RNF135: variants seen among roughly 807,000 people sequenced by gnomAD.
RNF135 encodes ring finger protein 135, also known as E3 ubiquitin-protein ligase RNF135.
In RNF135, 46 loss-of-function variants were observed where a neutral mutation model predicts 41.9. The observed-to-expected ratio is 1.10, with a 90% CI of 0.87 to 1.40. The LOEUF is 1.40. RNF135 is among the 40% of genes most tolerant of loss of function. The pLI, the probability that RNF135 is intolerant of heterozygous loss-of-function variation, is 0.00. For missense variants in RNF135, 539 were observed against 549.8 expected (o/e 0.98, Z 0.20); for synonymous variants, 238 against 223.8 (o/e 1.06, Z -0.57).
chr17:30,966,396 AT>A (rs767476831), upstream of RNF135, among the ~76,000 whole-genome samples: 18 of 107,230 alleles, frequency 1.7e-4, 1 homozygote, highest in Admixed American at 1.0e-3. Flanking sequence ...TTATTTTATT[AT>A]TTTTTTATTT....
At chr17:30,969,759 CTTTT>C (rs757330088), upstream of RNF135, among the ~76,000 whole-genome samples, 1 of 122,608 alleles carries the variant, frequency 8.2e-6, no homozygotes, top group East Asian at 2.4e-4. Context: ...TCTTTTTTTT[CTTTT>C]TTTTTTTTTT....
intron 1 of RNF135, chr17:30,975,253 G>A: frequency 1.9e-6 from 1 of 514,446 alleles, no homozygotes. Flanking sequence ...AATCCAGGAG[G>A]TTGAGGCTGC....
At chr17:30,979,923 G>A (rs1279082485) in intron 1 of RNF135, among the ~76,000 whole-genome samples, 1 of 112,002 alleles carries the variant, frequency 8.9e-6, no homozygotes, top group Admixed American at 8.1e-5. Flanking sequence ...TCACTTCCCA[G>A]TAGGGGCGGC....
upstream of RNF135, chr17:30,969,304 C>T (rs1905695086): frequency 6.6e-6 from 1 of 152,210 alleles, no homozygotes. Context: ...TACGATTTTA[C>T]TCCGATGCGG....
At chr17:30,992,547 C>A (rs545852124) in intron 3 of RNF135, among the ~76,000 whole-genome samples, 152 of 152,078 alleles carry the variant, frequency 1.0e-3, no homozygotes, top group African/African-American at 3.6e-3. Context: ...CTCACCCCAG[C>A]CTTGACCTCC....
chr17:30,975,800 G>A (rs1351390433), intron 1 of RNF135: 5 of 1,040,654 alleles, frequency 4.8e-6, no homozygotes, highest in African/African-American at 1.6e-5. Flanking sequence ...CAACATCAAG[G>A]TCCCTGCAGA....
upstream of RNF135, among the ~76,000 whole-genome samples, chr17:30,966,697 C>T (rs1205675189): frequency 4.7e-5 from 7 of 149,786 alleles, no homozygotes; most frequent in East Asian, 5.9e-4. Flanking sequence ...AGTAGAGACG[C>T]GGTTTCACCG....
At chr17:30,970,342 C>T (rs1445128938), upstream of RNF135, 1 of 152,134 alleles carries the variant, frequency 6.6e-6, no homozygotes. Flanking sequence ...GAATTTTGTC[C>T]GAGTGTCTGT....
chr17:30,982,431 C>T (rs930031751), intron 1 of RNF135, among the ~76,000 whole-genome samples: 3 of 152,196 alleles, frequency 2.0e-5, no homozygotes, highest in South Asian at 2.1e-4. Flanking sequence ...TCTTTATCAC[C>T]ATGCTCTCCC....
chr17:30,971,344 G>T lies in RNF135; in HGVS notation c.271G>T (p.Glu91Ter), dbSNP rs867226650. ...CGACAAGTACCGCCGCGCCGCACGCGAGATACAGGCGGGCTCCGACCCTGC... is the reference window on the plus strand; with the variant it reads ...CGACAAGTACCGCCGCGCCGCACGCTAGATACAGGCGGGCTCCGACCCTGC... Reference protein sequence around the residue: ...LADKYRRAAREIQAGSDPAHC... With the variant: ...LADKYRRAAR Residue 91 changes from glutamate (E) to a stop codon, truncating the protein, a stop_gained, in exon 1 of 5, where the codon GAG becomes TAG. Transcript: ENST00000328381. LOFTEE classifies it high-confidence loss of function. 3.9e-6 allele frequency: 6 copies of T among 1,533,214 alleles called. No individual in the cohort carries two copies. Among genetic ancestry groups the T allele is most frequent in the African/African-American group, 2.8e-5 (2 of 70,662 alleles). 95.0% of individuals were successfully genotyped at this position (1,533,214 alleles called of 1,614,324 possible).
intron 1 of RNF135, chr17:30,972,037 C>T (rs1906013460): frequency 6.6e-6 from 1 of 152,450 alleles, no homozygotes; most frequent in Admixed American, 6.5e-5. Context: ...GATGATCCGT[C>T]CGCCTCGGCC....
chr17:30,984,720 C>A lies in RNF135; in HGVS notation c.476C>A (p.Ser159Ter). The stretch of plus-strand genomic sequence containing the variant: ...AGCCTGCAGAATCAGAGGCCCCTAT[C>A]AGAATCTGGACCAGACAACGAACTG... ...VRSLQNQRPL[S>*]ESGPDNELSI... Residue 159 changes from serine to a stop codon, truncating the protein, a stop_gained, in exon 2 of 5, where the codon TCA becomes TAA. Transcript: ENST00000328381. LOFTEE classifies it high-confidence loss of function. 1 of 1,614,162 alleles carries A rather than the reference C, an allele frequency of 6.2e-7. No homozygotes were observed. Among genetic ancestry groups the A allele is most frequent in the East Asian group, 2.2e-5 (1 of 44,878 alleles).
intron 1 of RNF135, among the ~76,000 whole-genome samples, chr17:30,977,840 A>T (rs1228317880): frequency 6.6e-6 from 1 of 152,228 alleles, no homozygotes; most frequent in Admixed American, 6.5e-5. Flanking sequence ...AAGTGCTGGG[A>T]TTACAAGTAT....
At chr17:30,971,759 T>C (rs1905976376) in intron 1 of RNF135, 2 of 1,221,474 alleles carry the variant, frequency 1.6e-6, no homozygotes, top group East Asian at 8.3e-5. Flanking sequence ...AAGATCTATA[T>C]AACATTAAAA....
At chr17:30,986,590 A>T (rs2142711773) in intron 2 of RNF135, among the ~76,000 whole-genome samples, 1 of 152,368 alleles carries the variant, frequency 6.6e-6, no homozygotes, top group Middle Eastern at 3.4e-3. Context: ...TACCCACTGA[A>T]TGTATGGATA....
intron 3 of RNF135, among the ~76,000 whole-genome samples, chr17:30,994,800 A>AT (rs559641362): frequency 2.7e-5 from 4 of 150,104 alleles, no homozygotes; most frequent in Non-Finnish European, 4.4e-5. Flanking sequence ...CACCTGGCTA[A>AT]TTTTTTTTAT....
chr17:30,971,042 C>T lies in RNF135; in HGVS notation c.-32C>T. On this transcript the variant is annotated 5_prime_UTR_variant, in exon 1 of 5. Transcript: ENST00000328381. The stretch of plus-strand genomic sequence containing the variant: ...CCTGAGGAGACTCGCCCGGCTCAAC[C>T]CCGACGTCCGCGCCCCGGCCGCCTG... The T allele has an allele frequency of 6.5e-7, 1 of 1,533,488 alleles. No homozygotes were observed. The allele number at this position is 1,533,488 out of a possible 1,614,324, so 95.0% of individuals were successfully genotyped here.
At chr17:30,971,672 G>C in intron 1 of RNF135, 3 of 1,344,746 alleles carry the variant, frequency 2.2e-6, no homozygotes, top group Non-Finnish European at 2.8e-6. Flanking sequence ...CAACTTAGCT[G>C]TTACACAGCT....
intron 1 of RNF135, among the ~76,000 whole-genome samples, chr17:30,983,211 A>T (rs571875806): frequency 7.3e-4 from 110 of 150,902 alleles, no homozygotes; most frequent in African/African-American, 2.5e-3. Context: ...TGGGAATAAT[A>T]CTGCTATGGG....
Sources: gnomAD v4.1 joint callset for allele counts (sites outside exome capture counted in the v4.1 genomes callset) on GRCh38, gnomAD v4.1.1 for gene constraint, MANE v1.5 for transcripts, NCBI Gene and HGNC (gene_info 2026-07-23, HGNC 2026-07-21) for gene names.